CYB5R4: variants seen among roughly 807,000 people sequenced by gnomAD.
The protein encoded by CYB5R4 is N-terminal cytochrome b5 and cytochrome b5 oxidoreductase domain-containing protein.
CYB5R4 carries 55 observed loss-of-function variants against 70.2 expected under a neutral mutation model. The ratio of observed to expected loss-of-function variants is 0.78; its 90% confidence interval spans 0.63 to 0.98. The LOEUF is 0.98. Among genes scored for constraint, CYB5R4 ranks in the 50% least tolerant of loss-of-function variants. CYB5R4 has a pLI of 0.00. For missense variants in CYB5R4, 562 were observed against 612.6 expected, an observed-to-expected ratio of 0.92 and a Z score of 0.87; for synonymous variants, 197 against 199.5, an observed-to-expected ratio of 0.99 and a Z score of 0.11.
At chr6:83,911,129 G>A (rs1475523366) in intron 4 of CYB5R4, among the ~76,000 whole-genome samples, 1 of 152,300 alleles carries the variant, frequency 6.6e-6, no homozygotes, top group African/African-American at 2.4e-5. Flanking sequence ...GCCTGGCTAG[G>A]TGCGGTGGCT....
chr6:83,962,712 A>G lies in CYB5R4; in HGVS notation c.*2834A>G, dbSNP rs770167534. On this transcript the variant is annotated 3_prime_UTR_variant, in exon 16 of 16. Coordinates refer to ENST00000369681, the MANE Select transcript of CYB5R4 (RefSeq NM_016230.4). ...AGAGGCTGTAAGGGGAAGTCCCTAG[A>G]TAAGAGTTCTTTCAGCCTCATTAGG... 6.6e-6 allele frequency: 1 copy of G among 152,182 alleles called. No individual in the cohort carries two copies. Among genetic ancestry groups the G allele is most frequent in the Admixed American group, 6.6e-5 (1 of 15,266 alleles). The allele number at this position is 152,182 out of a possible 1,614,324, so 9.4% of individuals were successfully genotyped here. A position where few individuals can be genotyped will look rare whatever the true frequency, so the allele number is the denominator to read the frequency against.
rs16874122 is a variant in CYB5R4 at position 83,929,842 on chromosome 6, T to C, written c.815-4753T>C. ...TATGCCAACAAATAACCCAGTCAAT[T>C]AGTCTTAGGAAACAAGATTTAAAAA... is the stretch of plus-strand genomic sequence containing the variant. On this transcript the variant is annotated intron_variant, in intron 10 of 15. Coordinates refer to ENST00000369681, the MANE Select transcript of CYB5R4 (RefSeq NM_016230.4). Among the ~76,000 whole-genome samples the C allele has an allele frequency of 6.2e-3, 941 of 152,228 alleles. 9 individuals carry two copies. The highest frequency in any genetic ancestry group is 0.022 in the African/African-American group (893 of 41,530).
chr6:83,890,791 A>G (rs9344370), intron 2 of CYB5R4, among the ~76,000 whole-genome samples: 23,414 of 152,150 alleles, frequency 0.15, 3,522 homozygotes, highest in African/African-American at 0.37. Flanking sequence ...CATCAACATC[A>G]AGGCAAGACA....
intron 9 of CYB5R4, among the ~76,000 whole-genome samples, chr6:83,923,158 A>G (rs1027078559): frequency 2.0e-5 from 3 of 151,820 alleles, no homozygotes; most frequent in Admixed American, 6.6e-5. Context: ...TTTCATCTAT[A>G]TATTTAAATG....
intron 15 of CYB5R4, among the ~76,000 whole-genome samples, chr6:83,955,734 T>C (rs929986366): frequency 1.3e-5 from 2 of 152,216 alleles, no homozygotes; most frequent in Admixed American, 6.5e-5. Context: ...ACAAGATTGG[T>C]GCCACAATTC....
chr6:83,872,877 G>GCATT (rs2099457860), intron 2 of CYB5R4, among the ~76,000 whole-genome samples: 1 of 152,212 alleles, frequency 6.6e-6, no homozygotes, highest in African/African-American at 2.4e-5. Flanking sequence ...ATGACAGGGA[G>GCATT]TAGTTCCCTG....
intron 12 of CYB5R4, among the ~76,000 whole-genome samples, chr6:83,939,592 A>G (rs2099469437): frequency 6.6e-6 from 1 of 152,206 alleles, no homozygotes; most frequent in Non-Finnish European, 1.5e-5. Flanking sequence ...TCTCCTACTA[A>G]TCCTGTTACT....
At chr6:83,924,108 T>G (rs1588578024) in intron 9 of CYB5R4, among the ~76,000 whole-genome samples, 3 of 146,124 alleles carry the variant, frequency 2.1e-5, no homozygotes, top group African/African-American at 2.5e-5. Context: ...TTTGCTTTTG[T>G]GGGGGCATTC....
chr6:83,944,676 G>A (rs142952147), intron 14 of CYB5R4, among the ~76,000 whole-genome samples: 7 of 152,118 alleles, frequency 4.6e-5, no homozygotes, highest in African/African-American at 9.6e-5. Context: ...TCAGTGTGCC[G>A]TGTTCAGGAG....
chr6:83,948,642 T>C (rs752361283), intron 14 of CYB5R4, among the ~76,000 whole-genome samples: 5 of 152,210 alleles, frequency 3.3e-5, no homozygotes, highest in Non-Finnish European at 7.3e-5. Context: ...AAAATTTTAT[T>C]TTTTTAGGAA....
chr6:83,917,999 G>A lies in CYB5R4; in HGVS notation c.446-6G>A. The A allele has an allele frequency of 6.2e-7, 1 of 1,608,294 alleles. No homozygotes were observed. The highest frequency in any genetic ancestry group is 8.5e-7 in the Non-Finnish European group (1 of 1,175,776). On this transcript the variant is annotated splice_region_variant and splice_polypyrimidine_tract_variant and intron_variant, in intron 5 of 15. Coordinates refer to ENST00000369681, the MANE Select transcript of CYB5R4 (RefSeq NM_016230.4). ...AGATGAACTATAGCTATCTTTCTTT[G>A]TAAAGGCATGCTTCCCAAGAGCCAA... is the stretch of plus-strand genomic sequence containing the variant.
At chr6:83,912,571 A>C (rs2099464866) in intron 4 of CYB5R4, among the ~76,000 whole-genome samples, 1 of 152,260 alleles carries the variant, frequency 6.6e-6, no homozygotes, top group Non-Finnish European at 1.5e-5. Flanking sequence ...CCGGAAATAA[A>C]GATTCTCATC....
chr6:83,963,377 TC>T lies in CYB5R4; in HGVS notation c.*3500del, dbSNP rs1165320791. The stretch of plus-strand genomic sequence containing the variant: ...GTACAACCTGCTCTGTGATCTACCT[TC>T]TGAACCACACAAGCTTGTCCTGAAC... On this transcript the variant is annotated 3_prime_UTR_variant, in exon 16 of 16. Transcript: ENST00000369681. 6 of 152,154 alleles carry T rather than the reference TC, an allele frequency of 3.9e-5. No homozygotes were observed. The highest frequency in any genetic ancestry group is 7.3e-5 in the Non-Finnish European group (5 of 68,046). 9.4% of individuals were successfully genotyped at this position (152,154 alleles called of 1,614,324 possible).
intron 2 of CYB5R4, among the ~76,000 whole-genome samples, chr6:83,880,584 C>T (rs1414070896): frequency 6.6e-6 from 1 of 151,986 alleles, no homozygotes. Flanking sequence ...GACTTCTAGT[C>T]TCCCTAGGAG....
Position 83,909,049 on chromosome 6 carries a change from G to A in CYB5R4, c.371G>A (p.Cys124Tyr). 1 of 1,613,954 alleles carries A rather than the reference G, an allele frequency of 6.2e-7. No individual in the cohort carries two copies. The change falls in exon 4 of 16, where the codon TGC becomes TAC. Residue 124 changes from cysteine (C) to tyrosine (Y), a missense_variant. Cys to Tyr is a radical substitution (Grantham distance 194, BLOSUM62 -2). Transcript: ENST00000369681. ...AATTATGAATCCATGCTGAAAGAAT[G>A]CCTGGTTGGCAGAATGGCCATTAAA... ...WVNYESMLKECLVGRMAIKPA... is the reference protein window; with the variant it reads ...WVNYESMLKEYLVGRMAIKPA...
At position 83,905,142 on chromosome 6, in the gene CYB5R4, C is replaced by T. The variant is rs578007096; in HGVS notation, c.331-3867C>T. Among the ~76,000 whole-genome samples the T allele has an allele frequency of 5.9e-5, 9 of 152,262 alleles. No homozygotes were observed. In the East Asian group the frequency reaches 1.2e-3, roughly 20 times the overall value. ...CAGCCTCAGCTCACTGCAACCTCCG[C>T]GTCCCAGGTTCAAGAGATTCTCCTG... On this transcript the variant is annotated intron_variant, in intron 3 of 15. Transcript: ENST00000369681.
Position 83,909,102 on chromosome 6 carries a change from T to C in CYB5R4, c.412+12T>C. 6.2e-7 allele frequency: 1 copy of C among 1,612,060 alleles called. No individual in the cohort carries two copies. Among genetic ancestry groups the C allele is most frequent in the Non-Finnish European group, 8.5e-7 (1 of 1,178,240 alleles). Reference sequence around the variant, plus strand: ...TGCTGTTCTGAAAGGTAAGTGGTGCTGGTGCTAAACCAGCATGGATGTGTG... The same window carrying C: ...TGCTGTTCTGAAAGGTAAGTGGTGCCGGTGCTAAACCAGCATGGATGTGTG... On this transcript the variant is annotated intron_variant, in intron 4 of 15. Transcript: ENST00000369681.
At chr6:83,922,523 A>G in intron 9 of CYB5R4, 53 bp downstream of exon 9, 2 of 1,266,890 alleles carry the variant, frequency 1.6e-6, no homozygotes, top group South Asian at 1.3e-5. Flanking sequence ...ACACATACCT[A>G]CAGAGAGAGA....
intron 5 of CYB5R4, among the ~76,000 whole-genome samples, chr6:83,916,490 T>C (rs780776750): frequency 8.5e-5 from 13 of 152,198 alleles, no homozygotes; most frequent in Non-Finnish European, 1.6e-4. Flanking sequence ...TTTTACCATA[T>C]TAGAAAAAAT....
Sources: allele counts gnomAD v4.1 joint callset (sites outside exome capture counted in the v4.1 genomes callset), GRCh38; gene constraint gnomAD v4.1.1; transcripts MANE v1.5; gene names NCBI Gene and HGNC (gene_info 2026-07-23, HGNC 2026-07-21).